Variants in NUP98 observed in about 807,000 individuals in gnomAD.
NUP98 encodes the protein nucleoporin 98 and 96 precursor.
A neutral mutation model predicts 191.9 loss-of-function variants in NUP98; 26 were observed. The observed-to-expected ratio is 0.14, with a 90% CI of 0.10 to 0.19. The LOEUF (loss-of-function observed/expected upper bound fraction) is 0.19, where lower values mean the gene tolerates loss of function less well. Among genes scored for constraint, NUP98 ranks in the 10% least tolerant of loss-of-function variants. NUP98 has a pLI of 1.00. For missense variants in NUP98, 1,941 were observed against 2,178.8 expected (o/e 0.89, Z 2.17); for synonymous variants, 808 against 778.4 (o/e 1.04, Z -0.63).
intron 17 of NUP98, among the ~76,000 whole-genome samples, chr11:3,720,065 A>T (rs1324984261): frequency 1.3e-5 from 2 of 152,072 alleles, no homozygotes; most frequent in Non-Finnish European, 2.9e-5. Flanking sequence ...CAGGCCTAAC[A>T]TCTGCATTTT....
chr11:3,712,343 GA>G, intron 20 of NUP98: 1 of 1,365,172 alleles, frequency 7.3e-7, no homozygotes, highest in Non-Finnish European at 9.4e-7. Context: ...ATCTGTAGAG[GA>G]ATAATCCAAA....
chr11:3,693,135 A>T, intron 27 of NUP98, 97 bp downstream of exon 27: 1 of 1,229,618 alleles, frequency 8.1e-7, no homozygotes, highest in Non-Finnish European at 1.2e-6. Context: ...GGAAGGAGTA[A>T]AGGATAGTTT....
At chr11:3,747,075 T>C (rs1290274389) in intron 11 of NUP98, among the ~76,000 whole-genome samples, 1 of 152,172 alleles carries the variant, frequency 6.6e-6, no homozygotes, top group African/African-American at 2.4e-5. Context: ...AAAGAAGTAA[T>C]GGTCCACAAT....
chr11:3,692,254 G>A (rs1309159567), intron 27 of NUP98, among the ~76,000 whole-genome samples: 2 of 151,436 alleles, frequency 1.3e-5, no homozygotes, highest in Non-Finnish European at 2.9e-5. Context: ...CAAGGCTGCA[G>A]TGAGCTATAA....
intron 12 of NUP98, among the ~76,000 whole-genome samples, chr11:3,743,735 G>A (rs2080379021): frequency 6.6e-6 from 1 of 151,380 alleles, no homozygotes; most frequent in Admixed American, 6.6e-5. Context: ...AGTCTGGAAG[G>A]TGGTATTCAA....
Position 3,712,569 on chromosome 11 carries a change from G to A in NUP98, c.2737C>T (p.Pro913Ser), listed in dbSNP as rs765075958. 4.3e-6 allele frequency: 7 copies of A among 1,613,536 alleles called. No individual in the cohort carries two copies. Among genetic ancestry groups the A allele is most frequent in the Non-Finnish European group, 5.9e-6 (7 of 1,179,858 alleles). Residue 913 changes from proline (P) to serine (S), a missense_variant, in exon 20 of 33, where the codon CCT (proline) becomes TCT (serine). Physicochemically the swap from Pro to Ser is moderately conservative, Grantham distance 74. Transcript: ENST00000324932. ...CACTGTCCTTTTTTCTCTACCTGAG[G>A]TGGAGGTGCAGGTTTGCCATTAAGA... Reference protein sequence around the residue: ...MALNGKPAPPPQSQSPEVEQL... With the variant: ...MALNGKPAPPSQSQSPEVEQL...
chr11:3,750,377 T>C (rs2080701782), intron 11 of NUP98, among the ~76,000 whole-genome samples: 1 of 152,192 alleles, frequency 6.6e-6, no homozygotes. Flanking sequence ...ATTACAGGCA[T>C]GAGCCACCTC....
chr11:3,679,553 C>T lies in NUP98; in HGVS notation c.5073+1G>A. 6.2e-7 allele frequency: 1 copy of T among 1,614,074 alleles called. No individual in the cohort carries two copies. Among genetic ancestry groups the T allele is most frequent in the Non-Finnish European group, 8.5e-7 (1 of 1,179,992 alleles). ...GGCAGCAGTTTCAGGATCTCAGGTA[C>T]CTGCTGTATATGGCGGAGCATTTCA... is the stretch of plus-strand genomic sequence containing the variant. On this transcript the variant is annotated splice_donor_variant, in intron 31 of 32. Coordinates refer to ENST00000324932, the MANE Select transcript of NUP98 (RefSeq NM_016320.5). LOFTEE classifies it high-confidence loss of function.
chr11:3,768,489 C>T, intron 8 of NUP98, 92 bp downstream of exon 8: 1 of 1,117,250 alleles, frequency 9.0e-7, no homozygotes, highest in Non-Finnish European at 1.2e-6. Context: ...ATTTGCAGTA[C>T]AGGTAGAATT....
chr11:3,725,749 A>G (rs1239221895), intron 14 of NUP98, among the ~76,000 whole-genome samples: 1 of 152,250 alleles, frequency 6.6e-6, no homozygotes, highest in African/African-American at 2.4e-5. Flanking sequence ...AAAGTATTGA[A>G]GTAAAAAATC....
chr11:3,753,329 T>G lies in NUP98; in HGVS notation c.1254A>C (p.Ala418=). The G allele has an allele frequency of 6.2e-7, 1 of 1,613,936 alleles. No individual in the cohort carries two copies. The highest frequency in any genetic ancestry group is 1.1e-5 in the South Asian group (1 of 91,062). ...APGTLGTGLG[A]GFGTALGAGQ... Reference sequence around the variant, plus strand: ...GCAGTTTCTTACCTGTTCCAAATCCTGCACCAAGCCCAGTTCCAAGAGTCC... The same window carrying G: ...GCAGTTTCTTACCTGTTCCAAATCCGGCACCAAGCCCAGTTCCAAGAGTCC... Residue 418 remains alanine (A), a synonymous_variant, in exon 11 of 33, where the codon GCA becomes GCC. Coordinates refer to ENST00000324932, the MANE Select transcript of NUP98 (RefSeq NM_016320.5).
rs1328513046 is a variant in NUP98 at position 3,702,750 on chromosome 11, A to C, written c.3225T>G (p.Thr1075=). Residue 1075 remains threonine (T), a synonymous_variant, in exon 23 of 33, where the codon ACT becomes ACG. Coordinates refer to ENST00000324932, the MANE Select transcript of NUP98 (RefSeq NM_016320.5). ...CTGGGCTGGGCATTGTGAACACAGA[A>C]GTCAGGGGTGGAGGGACAGACCAAG... is the stretch of plus-strand genomic sequence containing the variant. ...TSSWSVPPPL[T]SVFTMPSPAP... is the part of the protein sequence containing the mutation. 5.0e-6 allele frequency: 8 copies of C among 1,614,166 alleles called. No homozygotes were observed. The highest frequency in any genetic ancestry group is 6.8e-6 in the Non-Finnish European group (8 of 1,180,036).
chr11:3,721,940 C>T (rs758955956), intron 16 of NUP98, among the ~76,000 whole-genome samples: 6 of 152,032 alleles, frequency 3.9e-5, no homozygotes, highest in Non-Finnish European at 8.8e-5. Flanking sequence ...TCCAGCAACA[C>T]CCACTTGTAT....
chr11:3,792,367 T>C (rs1170309799), intron 1 of NUP98, among the ~76,000 whole-genome samples: 1 of 152,066 alleles, frequency 6.6e-6, no homozygotes, highest in Non-Finnish European at 1.5e-5. Flanking sequence ...GCCAGCTCTT[T>C]AGGAGGCCGA....
Position 3,712,626 on chromosome 11 carries a change from G to A in NUP98, c.2680C>T (p.Pro894Ser). The A allele has an allele frequency of 2.5e-6, 4 of 1,613,948 alleles. No homozygotes were observed. The highest frequency in any genetic ancestry group is 3.4e-6 in the Non-Finnish European group (4 of 1,180,018). ...TKKLKTAPLP[P>S]ASQTTPLQMA... ...TGCAAGGGCGTAGTCTGGCTTGCAG[G>A]AGGCAAAGGAGCAGTCTTCAACTTC... Residue 894 changes from proline to serine, a missense_variant, in exon 20 of 33, where the codon CCT becomes TCT. By Grantham distance (74) the Pro-to-Ser change is moderately conservative. Coordinates refer to ENST00000324932, the MANE Select transcript of NUP98 (RefSeq NM_016320.5).
In NUP98 at chr11:3,695,341, T is replaced by C. The variant is rs1052607646; in HGVS notation, c.4167+108A>G. The C allele has an allele frequency of 3.9e-6, 4 of 1,015,588 alleles. No homozygotes were observed. The African/African-American group carries it at 6.6e-5, about 17-fold the overall frequency. 62.9% of individuals were successfully genotyped at this position (1,015,588 alleles called of 1,614,324 possible). A position where few individuals can be genotyped will look rare whatever the true frequency, so the allele number is the denominator to read the frequency against. ...AAAATTGTCCAATGTGTAAAACATT[T>C]TGTGTAACTGTGCACAATTTACAAA... On this transcript the variant is annotated intron_variant, in intron 26 of 32. Coordinates refer to ENST00000324932, the MANE Select transcript of NUP98 (RefSeq NM_016320.5).
At chr11:3,716,402 T>C (rs2079183899) in intron 18 of NUP98, among the ~76,000 whole-genome samples, 2 of 152,046 alleles carry the variant, frequency 1.3e-5, no homozygotes, top group African/African-American at 4.8e-5. Flanking sequence ...GTAATTTTTA[T>C]ACCTTACTGA....
intron 1 of NUP98, among the ~76,000 whole-genome samples, chr11:3,795,352 G>T (rs1328269350): frequency 6.6e-6 from 1 of 152,152 alleles, no homozygotes; most frequent in African/African-American, 2.4e-5. Context: ...AGGCTGAGGT[G>T]GGAAGATTGC....
At chr11:3,774,556 C>T (rs550048894) in intron 5 of NUP98, among the ~76,000 whole-genome samples, 2 of 152,206 alleles carry the variant, frequency 1.3e-5, no homozygotes, top group South Asian at 4.1e-4. Context: ...GAAACCCCAT[C>T]TCTACTAAAA....
Sources: gnomAD v4.1 joint callset for allele counts (sites outside exome capture counted in the v4.1 genomes callset) on GRCh38, gnomAD v4.1.1 for gene constraint, MANE v1.5 for transcripts, NCBI Gene and HGNC (gene_info 2026-07-23, HGNC 2026-07-21) for gene names.